SLC9C1: variants seen among roughly 807,000 people sequenced by gnomAD.
SLC9C1 encodes solute carrier family 9 member C1.
SLC9C1 carries 97 observed loss-of-function variants against 140.9 expected under a neutral mutation model. That is an observed-to-expected ratio of 0.69 (90% CI 0.58 to 0.82). The LOEUF is 0.82. SLC9C1 is among the 40% of genes least tolerant of loss of function. SLC9C1 has a pLI of 0.00. For missense variants in SLC9C1, 1,340 were observed against 1,389.3 expected (o/e 0.96, Z 0.56); for synonymous variants, 440 against 442.6 (o/e 0.99, Z 0.07).
intron 13 of SLC9C1, among the ~76,000 whole-genome samples, chr3:112,226,731 C>T (rs1163472108): frequency 1.0e-4 from 1 of 9,894 alleles, no homozygotes; most frequent in Non-Finnish European, 2.5e-4. Context: ...CCCCCCATCC[C>T]CCCACACACA....
intron 8 of SLC9C1, among the ~76,000 whole-genome samples, chr3:112,265,710 C>G (rs375833978): frequency 1.3e-5 from 2 of 151,962 alleles, no homozygotes; most frequent in African/African-American, 4.8e-5. Context: ...ACTTTTCCAC[C>G]CATAGTCTTG....
At position 112,206,645 on chromosome 3, in the gene SLC9C1, A is replaced by G. The variant is rs569879678; in HGVS notation, c.1986+1533T>C. Among the ~76,000 whole-genome samples the G allele has an allele frequency of 2.2e-3, 338 of 151,812 alleles. 1 individual carries two copies. The highest frequency in any genetic ancestry group is 7.8e-3 in the African/African-American group (319 of 41,100). ...TAAGAAAATGTGGCCCATATACACCATGGAATACTACGCAGCCATAAAAAA... is the reference window on the plus strand; with the variant it reads ...TAAGAAAATGTGGCCCATATACACCGTGGAATACTACGCAGCCATAAAAAA... On this transcript the variant is annotated intron_variant, in intron 16 of 28. Coordinates refer to ENST00000305815, the MANE Select transcript of SLC9C1 (RefSeq NM_183061.3).
At chr3:112,251,791 C>A (rs568517597) in intron 10 of SLC9C1, among the ~76,000 whole-genome samples, 2 of 151,664 alleles carry the variant, frequency 1.3e-5, no homozygotes, top group South Asian at 4.2e-4. Flanking sequence ...TACACAGGTC[C>A]ATGATCCTGC....
intron 13 of SLC9C1, among the ~76,000 whole-genome samples, chr3:112,228,952 GA>G (rs80080704): frequency 0.21 from 32,202 of 152,010 alleles, 4,301 homozygotes; most frequent in East Asian, 0.34. Context: ...AATGGATACA[GA>G]AAATGTCGTA....
intron 26 of SLC9C1, among the ~76,000 whole-genome samples, chr3:112,162,951 C>T (rs1304113827): frequency 2.9e-4 from 39 of 133,010 alleles, no homozygotes; most frequent in Admixed American, 5.4e-4. Flanking sequence ...ATTTCAGCTC[C>T]TGTTATTGGT....
At chr3:112,205,892 T>TA (rs71132002) in intron 16 of SLC9C1, among the ~76,000 whole-genome samples, 26,767 of 53,132 alleles carry the variant, frequency 0.5, 8,048 homozygotes, top group East Asian at 0.95. Flanking sequence ...CCTAAAACCA[T>TA]AAAACCCTAG....
In SLC9C1 at chr3:112,227,437, T is replaced by C. The variant is rs2078711300; in HGVS notation, c.1572+3924A>G. Among the ~76,000 whole-genome samples, 3 of 152,122 alleles carry C rather than the reference T, an allele frequency of 2.0e-5. No individual in the cohort carries two copies. The South Asian group carries it at 6.2e-4, about 31-fold the overall frequency. ...CCAGGAATGCAAGGATATTTAAATA[T>C]ACACAAATCAACACACGTAAGACAT... On this transcript the variant is annotated intron_variant, in intron 13 of 28. Coordinates refer to ENST00000305815, the MANE Select transcript of SLC9C1 (RefSeq NM_183061.3).
intron 8 of SLC9C1, among the ~76,000 whole-genome samples, chr3:112,265,920 A>G (rs1478182108): frequency 6.6e-6 from 1 of 152,002 alleles, no homozygotes; most frequent in Non-Finnish European, 1.5e-5. Context: ...TTACTTCTCA[A>G]TTACTGCACT....
intron 7 of SLC9C1, among the ~76,000 whole-genome samples, chr3:112,267,986 C>A (rs2108308257): frequency 6.6e-6 from 1 of 152,238 alleles, no homozygotes; most frequent in Non-Finnish European, 1.5e-5. Flanking sequence ...TTTATATTTA[C>A]TCTGTATCTT....
At position 112,151,917 on chromosome 3, in the gene SLC9C1, G is replaced by A. The variant is rs766240649; in HGVS notation, c.3464C>T (p.Ser1155Phe). ...ACAGTTGAACTTTGTCCCCAGCAGG[G>A]AGCAAGGCTGGGGACTCCTGGCAGT... is the stretch of plus-strand genomic sequence containing the variant. ...AATARSPQPC[S>F]LLGTKFNCKE... Residue 1155 changes from serine (S) to phenylalanine (F), a missense_variant, in exon 28 of 29, where the codon TCC becomes TTC. Physicochemically the swap from Ser to Phe is radical, Grantham distance 155. Coordinates refer to ENST00000305815, the MANE Select transcript of SLC9C1 (RefSeq NM_183061.3). The A allele has an allele frequency of 6.2e-7, 1 of 1,607,398 alleles. No homozygotes were observed. Among genetic ancestry groups the A allele is most frequent in the South Asian group, 1.1e-5 (1 of 89,594 alleles).
At chr3:112,202,757 AT>A (rs2077938680) in intron 17 of SLC9C1, among the ~76,000 whole-genome samples, 1 of 151,958 alleles carries the variant, frequency 6.6e-6, no homozygotes, top group Non-Finnish European at 1.5e-5. Context: ...CCATTTTTGC[AT>A]GCTAAATCTC....
chr3:112,188,158 C>A (rs923501719), intron 20 of SLC9C1, among the ~76,000 whole-genome samples: 1 of 152,160 alleles, frequency 6.6e-6, no homozygotes, highest in Admixed American at 6.5e-5. Context: ...GAACACATAT[C>A]TTTGCTTATT....
At chr3:112,172,048 CTTTT>C (rs1210154613) in intron 23 of SLC9C1, among the ~76,000 whole-genome samples, 1 of 152,062 alleles carries the variant, frequency 6.6e-6, no homozygotes, top group Non-Finnish European at 1.5e-5. Flanking sequence ...AATCATCTAA[CTTTT>C]TTATATTTGT....
At chr3:112,174,321 A>G (rs1190090295) in intron 23 of SLC9C1, among the ~76,000 whole-genome samples, 1 of 152,118 alleles carries the variant, frequency 6.6e-6, no homozygotes, top group Non-Finnish European at 1.5e-5. Flanking sequence ...TACTGTTGTC[A>G]TGACCTTAGG....
intron 26 of SLC9C1, among the ~76,000 whole-genome samples, chr3:112,165,065 G>A (rs918111947): frequency 1.6e-4 from 25 of 152,076 alleles, no homozygotes; most frequent in Non-Finnish European, 2.1e-4. Flanking sequence ...TGATCAAATC[G>A]GCTACTGAGG....
intron 26 of SLC9C1, among the ~76,000 whole-genome samples, chr3:112,165,714 G>A (rs191141187): frequency 2.0e-5 from 3 of 152,204 alleles, no homozygotes; most frequent in Admixed American, 6.5e-5. Context: ...CTACTCGGGG[G>A]TCAGGGACCC....
At chr3:112,232,911 C>T (rs1432355063) in intron 12 of SLC9C1, among the ~76,000 whole-genome samples, 3 of 151,312 alleles carry the variant, frequency 2.0e-5, no homozygotes, top group Non-Finnish European at 4.4e-5. Context: ...TATTTTTAAC[C>T]ATAAATTAAG....
At chr3:112,203,165 CA>C (rs1210412981) in intron 17 of SLC9C1, among the ~76,000 whole-genome samples, 19 of 152,078 alleles carry the variant, frequency 1.2e-4, no homozygotes, top group Non-Finnish European at 1.5e-5. Flanking sequence ...ATAAGCTTTC[CA>C]GGGGAAGAGA....
chr3:112,213,236 C>T (rs563482341), intron 15 of SLC9C1, among the ~76,000 whole-genome samples: 1 of 152,318 alleles, frequency 6.6e-6, no homozygotes, highest in Admixed American at 6.5e-5. Flanking sequence ...CAACTGGTAG[C>T]AGCCACAGCA....
Sources: allele counts gnomAD v4.1 joint callset (sites outside exome capture counted in the v4.1 genomes callset), GRCh38; gene constraint gnomAD v4.1.1; transcripts MANE v1.5; gene names NCBI Gene and HGNC (gene_info 2026-07-23, HGNC 2026-07-21).